The following GRM5 variants were observed in gnomAD, a reference collection of about 807,000 sequenced individuals.
The protein encoded by GRM5 is glutamate metabotropic receptor 5.
In GRM5, 19 loss-of-function variants were observed where a neutral mutation model predicts 83.1. The observed-to-expected ratio is 0.23, with a 90% CI of 0.16 to 0.34. GRM5 has a LOEUF of 0.34. Among genes scored for constraint, GRM5 ranks in the 10% least tolerant of loss-of-function variants. The probability of loss-of-function intolerance (pLI) is 1.00; values close to 1 mark genes in which losing one functional copy is unlikely to be tolerated. For synonymous variants in GRM5, 675 were observed against 633.6 expected, an observed-to-expected ratio of 1.07 and a Z score of -0.98; for missense variants, 1,160 against 1,588.3, an observed-to-expected ratio of 0.73 and a Z score of 4.58.
At chr11:88,733,665 G>A (rs922553128) in intron 3 of GRM5, among the ~76,000 whole-genome samples, 11 of 152,098 alleles carry the variant, frequency 7.2e-5, no homozygotes, top group African/African-American at 2.4e-4. Context: ...AGTCTTTGTG[G>A]TTACATATTA....
chr11:88,991,617 A>G (rs1939974941), intron 2 of GRM5, among the ~76,000 whole-genome samples: 1 of 149,992 alleles, frequency 6.7e-6, no homozygotes, highest in South Asian at 2.2e-4. Context: ...AAACTATACT[A>G]CAAGGCTACA....
intron 3 of GRM5, among the ~76,000 whole-genome samples, chr11:88,689,001 G>T (rs754097738): frequency 6.6e-6 from 1 of 151,900 alleles, no homozygotes; most frequent in Admixed American, 6.6e-5. Flanking sequence ...AATGAAAGGG[G>T]TCATTGTAAG....
At chr11:88,744,786 C>T (rs939350752) in intron 3 of GRM5, among the ~76,000 whole-genome samples, 4 of 152,112 alleles carry the variant, frequency 2.6e-5, no homozygotes, top group African/African-American at 9.7e-5. Flanking sequence ...ATCAGAAGTA[C>T]TTTCGAGAAT....
intron 4 of GRM5, among the ~76,000 whole-genome samples, chr11:88,651,493 C>T (rs1282582682): frequency 6.6e-6 from 1 of 151,988 alleles, no homozygotes; most frequent in Non-Finnish European, 1.5e-5. Context: ...GACATATGAT[C>T]CCCAAATCTC....
At chr11:88,858,421 C>T (rs565229561) in intron 2 of GRM5, among the ~76,000 whole-genome samples, 5 of 151,914 alleles carry the variant, frequency 3.3e-5, no homozygotes, top group African/African-American at 1.2e-4. Context: ...AAGTACATGC[C>T]AAGTGGTTTG....
intron 2 of GRM5, among the ~76,000 whole-genome samples, chr11:88,957,846 A>T (rs1381870467): frequency 1.3e-5 from 2 of 152,166 alleles, no homozygotes; most frequent in Non-Finnish European, 2.9e-5. Context: ...TTACAAAAAA[A>T]GTATCCAAAT....
chr11:88,595,689 C>A (rs1159172094), intron 6 of GRM5, among the ~76,000 whole-genome samples: 4 of 152,146 alleles, frequency 2.6e-5, no homozygotes, highest in South Asian at 2.1e-4. Flanking sequence ...ATCTGGCAGG[C>A]CCAGATGAAG....
At chr11:88,731,699 C>G (rs753625346) in intron 3 of GRM5, among the ~76,000 whole-genome samples, 7 of 151,828 alleles carry the variant, frequency 4.6e-5, no homozygotes, top group Non-Finnish European at 1.0e-4. Context: ...AGCCACCTGA[C>G]CTATATTTAC....
intron 2 of GRM5, among the ~76,000 whole-genome samples, chr11:88,923,459 ACT>A (rs1308318917): frequency 1.3e-5 from 2 of 152,104 alleles, no homozygotes; most frequent in Non-Finnish European, 2.9e-5. Flanking sequence ...AGAAAGACAA[ACT>A]CATGTTCTCA....
intron 4 of GRM5, among the ~76,000 whole-genome samples, chr11:88,651,896 C>T (rs1458681019): frequency 6.6e-6 from 1 of 151,930 alleles, no homozygotes; most frequent in Non-Finnish European, 1.5e-5. Context: ...CCATCATTTC[C>T]CAAAAGAACA....
intron 8 of GRM5, among the ~76,000 whole-genome samples, chr11:88,550,660 G>A (rs1157426451): frequency 2.8e-5 from 4 of 141,592 alleles, no homozygotes; most frequent in Admixed American, 2.0e-4. Flanking sequence ...TAAGGGAGTG[G>A]GGGGGATAAA....
In GRM5 at chr11:88,622,848, T is replaced by A. The variant is rs79220842; in HGVS notation, c.1148-17884A>T. Among the ~76,000 whole-genome samples, 1,106 of 152,298 alleles carry A rather than the reference T, an allele frequency of 7.3e-3. 8 individuals carry two copies. Among genetic ancestry groups the A allele is most frequent in the African/African-American group, 0.026 (1,070 of 41,548 alleles). Reference sequence around the variant, plus strand: ...TTAGCTTATTTGGAGTCATATAACCTAGGTTTGAAACTATTTTGCCACTTA... The same window carrying A: ...TTAGCTTATTTGGAGTCATATAACCAAGGTTTGAAACTATTTTGCCACTTA... On this transcript the variant is annotated intron_variant, in intron 4 of 9. Coordinates refer to ENST00000305447, the MANE Select transcript of GRM5 (RefSeq NM_001143831.3).
At chr11:88,582,520 A>G (rs970640998) in intron 7 of GRM5, among the ~76,000 whole-genome samples, 1 of 152,244 alleles carries the variant, frequency 6.6e-6, no homozygotes, top group African/African-American at 2.4e-5. Context: ...TCAGATTACT[A>G]TCTAACCTAG....
At chr11:88,984,683 A>C (rs1458664642) in intron 2 of GRM5, 1 of 559,236 alleles carries the variant, frequency 1.8e-6, no homozygotes, top group Admixed American at 3.3e-5. Flanking sequence ...ATATATTTTT[A>C]ATCAAAAAGG....
chr11:88,532,055 A>G (rs1237744724), intron 8 of GRM5, among the ~76,000 whole-genome samples: 1 of 152,160 alleles, frequency 6.6e-6, no homozygotes, highest in Non-Finnish European at 1.5e-5. Flanking sequence ...ATAGAAAAAA[A>G]CAGCCTGATT....
chr11:88,678,265 G>C (rs1940387911), intron 3 of GRM5, among the ~76,000 whole-genome samples: 1 of 151,878 alleles, frequency 6.6e-6, no homozygotes, highest in African/African-American at 2.4e-5. Flanking sequence ...TTCTATGTTA[G>C]CCAGGCTCGT....
chr11:88,806,296 G>A (rs1565240000), intron 3 of GRM5, among the ~76,000 whole-genome samples: 1 of 152,144 alleles, frequency 6.6e-6, no homozygotes, highest in Non-Finnish European at 1.5e-5. Context: ...TTCACAGTCT[G>A]TAGTTTCAGA....
At chr11:88,749,110 C>G (rs1942207644) in intron 3 of GRM5, among the ~76,000 whole-genome samples, 1 of 152,254 alleles carries the variant, frequency 6.6e-6, no homozygotes, top group Non-Finnish European at 1.5e-5. Flanking sequence ...GCTGAATTGA[C>G]AGAAGTAGGC....
At chr11:88,902,905 C>T (rs765593342) in intron 2 of GRM5, among the ~76,000 whole-genome samples, 5 of 133,062 alleles carry the variant, frequency 3.8e-5, no homozygotes, top group Non-Finnish European at 7.6e-5. Flanking sequence ...TAGCCGAGAT[C>T]GTGCCACTGC....
Sources: gnomAD v4.1 joint callset for allele counts (sites outside exome capture counted in the v4.1 genomes callset) on GRCh38, gnomAD v4.1.1 for gene constraint, MANE v1.5 for transcripts, NCBI Gene and HGNC (gene_info 2026-07-23, HGNC 2026-07-21) for gene names.